Variants in GUCA1C observed in about 807,000 individuals in gnomAD.
GUCA1C encodes guanylyl cyclase-activating protein 3.
GUCA1C carries 15 observed loss-of-function variants against 16.2 expected under a neutral mutation model. The ratio of observed to expected loss-of-function variants is 0.93; its 90% CI spans 0.62 to 1.43. The LOEUF is 1.43. Ranked by LOEUF, GUCA1C falls within the 40% of genes most tolerant of loss-of-function variation. GUCA1C has a pLI of 0.00. For missense variants in GUCA1C, 275 were observed against 244.8 expected (o/e 1.12, Z -0.82); for synonymous variants, 78 against 85.4 (o/e 0.91, Z 0.48).
rs771451757 is a variant in GUCA1C at position 108,953,764 on chromosome 3, T to C, written c.-2A>G. ...AGCTATAGATTTGCCATTCCCCATC[T>C]TGACTCACAGTCTACAGCTTTTCCT... On this transcript the variant is annotated 5_prime_UTR_variant, in exon 1 of 4. Coordinates refer to ENST00000261047, the MANE Select transcript of GUCA1C (RefSeq NM_005459.4). 1.2e-6 allele frequency: 2 copies of C among 1,607,792 alleles called. No homozygotes were observed. The highest frequency in any genetic ancestry group is 3.3e-5 in the Admixed American group (2 of 59,996).
chr3:108,949,738 G>A (rs1015772828), intron 1 of GUCA1C, among the ~76,000 whole-genome samples: 1 of 152,016 alleles, frequency 6.6e-6, no homozygotes, highest in Non-Finnish European at 1.5e-5. Flanking sequence ...AGTGGGTTTT[G>A]TTTTCCAGCT....
chr3:108,910,152 G>C, intron 3 of GUCA1C, among the ~76,000 whole-genome samples: 1 of 152,238 alleles, frequency 6.6e-6, no homozygotes, highest in Admixed American at 6.5e-5. Context: ...ATGGGCTTCC[G>C]TATTTCCCTA....
chr3:108,918,073 G>A (rs1035618902), intron 2 of GUCA1C, among the ~76,000 whole-genome samples: 1 of 152,098 alleles, frequency 6.6e-6, no homozygotes, highest in Non-Finnish European at 1.5e-5. Context: ...CTTAAAATCC[G>A]CACAATTGCC....
At chr3:108,952,176 G>A (rs974350529) in intron 1 of GUCA1C, among the ~76,000 whole-genome samples, 2 of 152,300 alleles carry the variant, frequency 1.3e-5, no homozygotes, top group African/African-American at 4.8e-5. Flanking sequence ...GTGAAGCACA[G>A]AGAATGACAG....
At chr3:108,944,140 G>T (rs1248096308) in intron 1 of GUCA1C, among the ~76,000 whole-genome samples, 1 of 152,166 alleles carries the variant, frequency 6.6e-6, no homozygotes, top group African/African-American at 2.4e-5. Context: ...TTACAATGTG[G>T]AAGATATGGT....
chr3:108,921,003 A>G (rs1946565089), intron 1 of GUCA1C, among the ~76,000 whole-genome samples: 1 of 152,166 alleles, frequency 6.6e-6, no homozygotes, highest in Admixed American at 6.5e-5. Context: ...TACATTCTGC[A>G]AGTCTAGATA....
intron 1 of GUCA1C, among the ~76,000 whole-genome samples, chr3:108,943,772 GC>G (rs1436955366): frequency 6.6e-6 from 1 of 151,866 alleles, no homozygotes; most frequent in Admixed American, 6.6e-5. Context: ...TATCCCTCAC[GC>G]CCCCCTCACT....
intron 1 of GUCA1C, among the ~76,000 whole-genome samples, chr3:108,929,336 T>G (rs1015834660): frequency 3.9e-5 from 6 of 152,230 alleles, no homozygotes; most frequent in Non-Finnish European, 8.8e-5. Flanking sequence ...TCTTTTGTTT[T>G]TGTTTTTGGT....
intron 2 of GUCA1C, among the ~76,000 whole-genome samples, chr3:108,918,048 A>C (rs1002304945): frequency 1.3e-5 from 2 of 151,782 alleles, no homozygotes; most frequent in African/African-American, 4.9e-5. Flanking sequence ...CCGTCTCAAA[A>C]AAATAAAAAA....
chr3:108,918,336 A>G (rs1436745611), intron 2 of GUCA1C, among the ~76,000 whole-genome samples: 1 of 152,180 alleles, frequency 6.6e-6, no homozygotes, highest in Non-Finnish European at 1.5e-5. Context: ...GCTCTATGCC[A>G]GCTTCCTCTC....
Position 108,916,216 on chromosome 3 carries a change from T to C in GUCA1C, c.355-2A>G. The C allele has an allele frequency of 6.2e-7, 1 of 1,604,340 alleles. No homozygotes were observed. Among genetic ancestry groups the C allele is most frequent in the African/African-American group, 1.3e-5 (1 of 74,472 alleles). On this transcript the variant is annotated splice_acceptor_variant, in intron 2 of 3. Transcript: ENST00000261047. LOFTEE classifies it high-confidence loss of function. The stretch of plus-strand genomic sequence containing the variant: ...CTGGCCATTGAGGGCTTGTACCGCC[T>C]GCAAAAAGACATTAAATGAAAGAGG...
At chr3:108,948,493 G>A (rs1446757448) in intron 1 of GUCA1C, among the ~76,000 whole-genome samples, 1 of 152,102 alleles carries the variant, frequency 6.6e-6, no homozygotes, top group Non-Finnish European at 1.5e-5. Context: ...TGTGAGAACA[G>A]ACTAATAAAC....
In GUCA1C at chr3:108,953,545, A is replaced by C. The variant is rs1204404534; in HGVS notation, c.204+14T>G. 2 of 1,534,798 alleles carry C rather than the reference A, an allele frequency of 1.3e-6. No homozygotes were observed. Among genetic ancestry groups the C allele is most frequent in the Non-Finnish European group, 9.0e-7 (1 of 1,108,502 alleles). ...ACAGCATTTTCAAATGAAATGAAAA[A>C]TGAAAGATCTTACCTTGTTCGTGTC... On this transcript the variant is annotated intron_variant, in intron 1 of 3. Coordinates refer to ENST00000261047, the MANE Select transcript of GUCA1C (RefSeq NM_005459.4).
chr3:108,932,924 CAAA>C (rs57918246), intron 1 of GUCA1C, among the ~76,000 whole-genome samples: 12 of 68,670 alleles, frequency 1.7e-4, no homozygotes, highest in African/African-American at 5.3e-4. Flanking sequence ...AAAAAAATCT[CAAA>C]AAAAAAAAAA....
In GUCA1C at chr3:108,907,904, C is replaced by T; in HGVS notation, c.*118G>A. ...TGGATTAAAATAAGTGCTATATTCA[C>T]AAGCCTATATGAATTATAACAAAGA... is the stretch of plus-strand genomic sequence containing the variant. On this transcript the variant is annotated 3_prime_UTR_variant, in exon 4 of 4. Coordinates refer to ENST00000261047, the MANE Select transcript of GUCA1C (RefSeq NM_005459.4). The T allele has an allele frequency of 1.4e-6, 1 of 699,582 alleles. No homozygotes were observed. The allele number at this position is 699,582 out of a possible 1,614,324, so 43.3% of individuals were successfully genotyped here.
At chr3:108,941,063 T>A (rs1003377648) in intron 1 of GUCA1C, among the ~76,000 whole-genome samples, 9 of 150,212 alleles carry the variant, frequency 6.0e-5, no homozygotes, top group Admixed American at 1.3e-4. Context: ...GGGGCTCATT[T>A]AAAAAAAAAA....
chr3:108,945,661 G>A (rs1212952619), intron 1 of GUCA1C, among the ~76,000 whole-genome samples: 1 of 152,056 alleles, frequency 6.6e-6, no homozygotes, highest in South Asian at 2.1e-4. Context: ...AATTTTTAAA[G>A]CATCCTGTTT....
chr3:108,908,796 G>A (rs570623768), intron 3 of GUCA1C, among the ~76,000 whole-genome samples: 68 of 152,078 alleles, frequency 4.5e-4, no homozygotes, highest in Non-Finnish European at 8.1e-4. Flanking sequence ...TAAATTTATC[G>A]CCTTATATCC....
At chr3:108,920,945 T>C (rs1333096383) in intron 1 of GUCA1C, among the ~76,000 whole-genome samples, 2 of 152,190 alleles carry the variant, frequency 1.3e-5, no homozygotes, top group African/African-American at 2.4e-5. Context: ...TGACACATCA[T>C]CATCACCCAA....
Sources: allele counts gnomAD v4.1 joint callset (sites outside exome capture counted in the v4.1 genomes callset), GRCh38; gene constraint gnomAD v4.1.1; transcripts MANE v1.5; gene names NCBI Gene and HGNC (gene_info 2026-07-23, HGNC 2026-07-21).